The following ARPP21 variants were observed in gnomAD, a reference collection of about 807,000 sequenced individuals.
ARPP21 encodes the protein cAMP-regulated phosphoprotein 21.
ARPP21 carries 69 observed loss-of-function variants against 113.2 expected under a neutral mutation model. The observed-to-expected ratio is 0.61, with a 90% CI of 0.50 to 0.74. The LOEUF (loss-of-function observed/expected upper bound fraction) is 0.74. Among genes scored for constraint, ARPP21 ranks in the 30% least tolerant of loss-of-function variants. The pLI is 0.00. For synonymous variants in ARPP21, 368 were observed against 375.5 expected (o/e 0.98, Z 0.23); for missense variants, 1,070 against 1,037.4 (o/e 1.03, Z -0.43).
At chr3:35,766,572 T>C (rs2095985828) in intron 19 of ARPP21, among the ~76,000 whole-genome samples, 1 of 152,214 alleles carries the variant, frequency 6.6e-6, no homozygotes, top group South Asian at 2.1e-4. Flanking sequence ...GGTTGTAGTC[T>C]GTAATTTATC....
chr3:35,689,415 A>C, intron 7 of ARPP21, 30 bp downstream of exon 7: 1 of 1,064,036 alleles, frequency 9.4e-7, no homozygotes, highest in Non-Finnish European at 1.5e-6. Context: ...TCTTATTTTT[A>C]GAAGGATCAA....
intron 9 of ARPP21, among the ~76,000 whole-genome samples, chr3:35,698,155 A>G (rs2084799230): frequency 6.6e-6 from 1 of 151,692 alleles, no homozygotes; most frequent in Non-Finnish European, 1.5e-5. Flanking sequence ...TTTTTAATCT[A>G]TACTCAGGCT....
Position 35,667,885 on chromosome 3 carries a change from A to AGAAGAGGAAGAG in ARPP21, c.-212-11885_-212-11874dup, listed in dbSNP as rs1553645947. ...AAGAAGAAGAAGAAGAAGAAGAAGA[A>AGAAGAGGAAGAG]GAAGAGGAAGAGGAAGAGGAAGAGG... On this transcript the variant is annotated intron_variant, in intron 1 of 20. Transcript: ENST00000684406. Among the ~76,000 whole-genome samples, 40 of 97,692 alleles carry AGAAGAGGAAGAG rather than the reference A, an allele frequency of 4.1e-4. 5 individuals are homozygous for AGAAGAGGAAGAG. The highest frequency in any genetic ancestry group is 2.5e-3 in the Admixed American group (23 of 9,222). 64.1% of individuals were successfully genotyped at this position (97,692 alleles called of 152,430 possible).
At chr3:35,735,460 G>A (rs553019782) in intron 15 of ARPP21, among the ~76,000 whole-genome samples, 2 of 152,186 alleles carry the variant, frequency 1.3e-5, no homozygotes, top group East Asian at 3.9e-4. Context: ...GATGATCCTT[G>A]GTTGTTCTTT....
chr3:35,738,301 A>G lies in ARPP21; in HGVS notation c.1732A>G (p.Thr578Ala). 1 of 1,533,054 alleles carries G rather than the reference A, an allele frequency of 6.5e-7. No homozygotes were observed. The highest frequency in any genetic ancestry group is 8.7e-7 in the Non-Finnish European group (1 of 1,144,030). The allele number at this position is 1,533,054 out of a possible 1,614,324, so 95.0% of individuals were successfully genotyped here. Residue 578 changes from threonine to alanine, a missense_variant, in exon 17 of 21, where the codon ACG becomes GCG. Coordinates refer to ENST00000684406, the MANE Select transcript of ARPP21 (RefSeq NM_001385562.1). The part of the protein sequence containing the change: ...PPQHLLPVSP[T>A]QHFPMRDDVA... The stretch of plus-strand genomic sequence containing the variant: ...CCAGCACCTCCTACCTGTGTCTCCA[A>G]CGCAGCACTTTCCCATGGTACTGTA...
In ARPP21 at chr3:35,737,265, A is replaced by C; in HGVS notation, c.1547A>C (p.Gln516Pro). 6.2e-7 allele frequency: 1 copy of C among 1,612,330 alleles called. No homozygotes were observed. The highest frequency in any genetic ancestry group is 2.2e-5 in the East Asian group (1 of 44,852). The change falls in exon 16 of 21, where the codon CAG becomes CCG. Residue 516 changes from glutamine (Q) to proline (P), a missense_variant. Physicochemically the swap from Gln to Pro is moderately conservative, Grantham distance 76. Transcript: ENST00000684406. ...QQPLRSAMVG[Q>P]SQQQPPQQQP... ...CCCCTGCGAAGCGCCATGGTGGGGC[A>C]GTCCCAACAGCAGCCACCACAGCAG...
intron 19 of ARPP21, among the ~76,000 whole-genome samples, chr3:35,780,656 G>C (rs191148334): frequency 2.0e-5 from 3 of 152,030 alleles, no homozygotes; most frequent in African/African-American, 4.8e-5. Context: ...AGAGATTCTC[G>C]AAGTGTGGTA....
intron 19 of ARPP21, among the ~76,000 whole-genome samples, chr3:35,766,818 T>A (rs1488332170): frequency 1.3e-5 from 2 of 150,852 alleles, no homozygotes; most frequent in Admixed American, 1.3e-4. Context: ...ATTAAGAAGC[T>A]CATATTATAC....
intron 11 of ARPP21, among the ~76,000 whole-genome samples, chr3:35,709,814 T>C (rs1018763505): frequency 6.6e-6 from 1 of 152,190 alleles, no homozygotes; most frequent in African/African-American, 2.4e-5. Flanking sequence ...TGTGGGTTCT[T>C]CCCCCTGCGT....
At chr3:35,654,872 G>A (rs1474040946) in intron 1 of ARPP21, among the ~76,000 whole-genome samples, 1 of 151,994 alleles carries the variant, frequency 6.6e-6, no homozygotes, top group African/African-American at 2.4e-5. Flanking sequence ...AAAACATTTG[G>A]AAAGAGAAAT....
intron 14 of ARPP21, among the ~76,000 whole-genome samples, chr3:35,727,737 G>T (rs1379407763): frequency 6.6e-6 from 1 of 152,122 alleles, no homozygotes; most frequent in African/African-American, 2.4e-5. Flanking sequence ...GTTTGAATTT[G>T]CAGTAATATA....
At chr3:35,667,963 GAAGAAGAAGAAGAAGAAGAAGAAGA>G (rs2075108231) in intron 1 of ARPP21, among the ~76,000 whole-genome samples, 8 of 84,248 alleles carry the variant, frequency 9.5e-5, no homozygotes, top group Non-Finnish European at 1.7e-4. Flanking sequence ...AGAAGAAGAA[GAAGAAGAAGAAGAAGAAGAAGAAGA>G]AGAAGAAGAA....
At chr3:35,739,935 GA>G (rs1322918896) in intron 18 of ARPP21, among the ~76,000 whole-genome samples, 1 of 152,166 alleles carries the variant, frequency 6.6e-6, no homozygotes, top group Non-Finnish European at 1.5e-5. Context: ...CTGCACCTAG[GA>G]GACTTTCAAT....
intron 1 of ARPP21, among the ~76,000 whole-genome samples, chr3:35,649,279 T>C (rs1016350301): frequency 6.6e-6 from 1 of 152,190 alleles, no homozygotes; most frequent in Non-Finnish European, 1.5e-5. Context: ...CCCTTATATG[T>C]AGAATTGTAA....
In ARPP21 at chr3:35,690,100, A is replaced by C; in HGVS notation, c.505A>C (p.Lys169Gln). 3 of 1,485,294 alleles carry C rather than the reference A, an allele frequency of 2.0e-6. No individual in the cohort carries two copies. Among genetic ancestry groups the C allele is most frequent in the Non-Finnish European group, 2.8e-6 (3 of 1,064,124 alleles). The allele number at this position is 1,485,294 out of a possible 1,614,324, so 92.0% of individuals were successfully genotyped here. A position where few individuals can be genotyped will look rare whatever the true frequency, so the allele number is the denominator to read the frequency against. Residue 169 changes from lysine (K) to glutamine (Q), a missense_variant, in exon 8 of 21, where the codon AAA becomes CAA. Lys to Gln is a moderately conservative substitution (Grantham distance 53). Coordinates refer to ENST00000684406, the MANE Select transcript of ARPP21 (RefSeq NM_001385562.1). ...TTGCAGGGACAGGATGATACTTTTG[A>C]AAATGGAGCAGGAAATTATTGATTT... Reference protein sequence around the residue: ...NNSRDRMILLKMEQEIIDFIA... With the variant: ...NNSRDRMILLQMEQEIIDFIA...
intron 14 of ARPP21, among the ~76,000 whole-genome samples, chr3:35,727,864 GC>G (rs2093649789): frequency 6.6e-6 from 1 of 152,122 alleles, no homozygotes; most frequent in South Asian, 2.1e-4. Context: ...GCCAGTGAGT[GC>G]CCAATGGATA....
intron 19 of ARPP21, among the ~76,000 whole-genome samples, chr3:35,772,344 G>A (rs1038498646): frequency 2.6e-5 from 4 of 152,146 alleles, no homozygotes; most frequent in African/African-American, 4.8e-5. Context: ...TAGAATGTTA[G>A]ACTCAAAAGA....
chr3:35,753,003 A>T (rs921107388), intron 19 of ARPP21, among the ~76,000 whole-genome samples: 2 of 151,552 alleles, frequency 1.3e-5, no homozygotes, highest in African/African-American at 4.8e-5. Flanking sequence ...AAATGCATGA[A>T]TAACATGTGT....
intron 9 of ARPP21, among the ~76,000 whole-genome samples, chr3:35,692,138 A>G (rs1205725864): frequency 6.6e-6 from 1 of 151,652 alleles, no homozygotes; most frequent in East Asian, 2.0e-4. Flanking sequence ...GCTTCAAATT[A>G]CTTATATATC....
Sources: allele counts gnomAD v4.1 joint callset (sites outside exome capture counted in the v4.1 genomes callset), GRCh38; gene constraint gnomAD v4.1.1; transcripts MANE v1.5; gene names NCBI Gene and HGNC (gene_info 2026-07-23, HGNC 2026-07-21).